The following PDE10A variants were observed in gnomAD, a reference collection of about 807,000 sequenced individuals.
PDE10A encodes phosphodiesterase 10A, also known as cAMP and cAMP-inhibited cGMP 3',5'-cyclic phosphodiesterase 10A.
In PDE10A, 39 loss-of-function variants were observed where a neutral mutation model predicts 97.7. That is an observed-to-expected ratio of 0.40 (90% CI 0.31 to 0.52). PDE10A has a LOEUF of 0.52. Among genes scored for constraint, PDE10A ranks in the 20% least tolerant of loss-of-function variants. The pLI, the probability that PDE10A is intolerant of heterozygous loss-of-function variation, is 0.56. For missense variants in PDE10A, 731 were observed against 1,047.8 expected (o/e 0.70, Z 4.17); for synonymous variants, 371 against 376.8 (o/e 0.98, Z 0.18).
intron 1 of PDE10A, among the ~76,000 whole-genome samples, chr6:165,619,537 A>AG (rs1787998464): frequency 6.3e-5 from 1 of 15,950 alleles, no homozygotes; most frequent in Admixed American, 5.0e-4. Context: ...GTGTAGTCTA[A>AG]TGTAGTGTAG....
At chr6:165,469,266 T>C (rs1481084188) in intron 3 of PDE10A, among the ~76,000 whole-genome samples, 1 of 152,202 alleles carries the variant, frequency 6.6e-6, no homozygotes, top group Admixed American at 6.5e-5. Context: ...TCACTGTCTT[T>C]AGCAAGCATT....
intron 1 of PDE10A, among the ~76,000 whole-genome samples, chr6:165,743,409 G>T (rs147750154): frequency 5.2e-4 from 79 of 152,158 alleles, no homozygotes; most frequent in Non-Finnish European, 8.7e-4. Flanking sequence ...TTATTTGGAC[G>T]TCACTGTTTT....
At chr6:165,633,426 T>G (rs1460053305) in intron 1 of PDE10A, among the ~76,000 whole-genome samples, 3 of 152,216 alleles carry the variant, frequency 2.0e-5, no homozygotes, top group Non-Finnish European at 4.4e-5. Flanking sequence ...TTAACTTTTC[T>G]TTATAGCTAC....
At chr6:165,929,483 C>A (rs1783055465) in intron 1 of PDE10A, among the ~76,000 whole-genome samples, 1 of 152,224 alleles carries the variant, frequency 6.6e-6, no homozygotes, top group African/African-American at 2.4e-5. Flanking sequence ...AGAAACATTA[C>A]AACCACTTAG....
At chr6:165,740,617 G>A (rs1248161600) in intron 1 of PDE10A, among the ~76,000 whole-genome samples, 1 of 152,142 alleles carries the variant, frequency 6.6e-6, no homozygotes, top group African/African-American at 2.4e-5. Flanking sequence ...ACAAGTGTGA[G>A]CCACCACTCC....
At chr6:165,440,530 A>G (rs971775268) in intron 5 of PDE10A, among the ~76,000 whole-genome samples, 5 of 152,210 alleles carry the variant, frequency 3.3e-5, no homozygotes, top group African/African-American at 1.2e-4. Context: ...TGTAGAAAGC[A>G]CAGTAACTTT....
intron 17 of PDE10A, among the ~76,000 whole-genome samples, chr6:165,385,273 C>T (rs139258282): frequency 2.8e-4 from 43 of 152,022 alleles, no homozygotes; most frequent in African/African-American, 1.0e-3. Context: ...AATGAGATTG[C>T]CACCACAGAG....
At chr6:165,425,797 G>A (rs190176759) in intron 10 of PDE10A, among the ~76,000 whole-genome samples, 1 of 151,582 alleles carries the variant, frequency 6.6e-6, no homozygotes, top group Admixed American at 6.6e-5. Context: ...GTGTGTGTGT[G>A]TGTATGTATG....
intron 2 of PDE10A, among the ~76,000 whole-genome samples, chr6:165,502,433 T>C (rs566759): frequency 0.13 from 20,359 of 152,184 alleles, 1,532 homozygotes; most frequent in East Asian, 0.25. Flanking sequence ...AATACTCAAA[T>C]ATACAAAACA....
chr6:165,474,966 A>G (rs1402699419), intron 3 of PDE10A, among the ~76,000 whole-genome samples: 1 of 151,862 alleles, frequency 6.6e-6, no homozygotes, highest in African/African-American at 2.4e-5. Context: ...GCTTCCATCA[A>G]ACAACAGGAA....
intron 1 of PDE10A, among the ~76,000 whole-genome samples, chr6:165,688,205 A>G (rs1297916730): frequency 6.6e-6 from 1 of 152,100 alleles, no homozygotes; most frequent in Non-Finnish European, 1.5e-5. Context: ...AAAAATCTAA[A>G]GAGAATTGGT....
chr6:165,793,818 T>A (rs758263378), intron 1 of PDE10A, among the ~76,000 whole-genome samples: 11 of 152,206 alleles, frequency 7.2e-5, no homozygotes, highest in Non-Finnish European at 1.3e-4. Context: ...TCAAAATTCA[T>A]CGGAGGACAA....
intron 1 of PDE10A, among the ~76,000 whole-genome samples, chr6:165,864,922 T>A (rs1780998870): frequency 6.6e-6 from 1 of 152,242 alleles, no homozygotes; most frequent in African/African-American, 2.4e-5. Context: ...TAAGTTAAAA[T>A]GTTAATGAAG....
Position 165,332,928 on chromosome 6 carries a change from T to C in PDE10A, c.*97A>G, listed in dbSNP as rs1781421679. 1.3e-6 allele frequency: 1 copy of C among 741,028 alleles called. No individual in the cohort carries two copies. The highest frequency in any genetic ancestry group is 1.8e-5 in the Admixed American group (1 of 54,474). 45.9% of individuals were successfully genotyped at this position (741,028 alleles called of 1,614,324 possible). ...AGAGGTTTGCACCCCAGTTACCAGGTGCAGGTTCCCCCCACCCCCCCCAAA... is the reference window on the plus strand; with the variant it reads ...AGAGGTTTGCACCCCAGTTACCAGGCGCAGGTTCCCCCCACCCCCCCCAAA... On this transcript the variant is annotated 3_prime_UTR_variant, in exon 22 of 22. Coordinates refer to ENST00000539869, the MANE Select transcript of PDE10A (RefSeq NM_001385079.1).
chr6:165,438,953 G>C (rs1790239278), intron 5 of PDE10A, among the ~76,000 whole-genome samples: 1 of 111,970 alleles, frequency 8.9e-6, no homozygotes, highest in South Asian at 3.5e-4. Context: ...GTGAGACCCT[G>C]CTTAAAAAAA....
At chr6:165,972,934 C>T (rs11758737) in intron 1 of PDE10A, among the ~76,000 whole-genome samples, 25,985 of 152,030 alleles carry the variant, frequency 0.17, 2,358 homozygotes, top group Non-Finnish European at 0.2. Flanking sequence ...AGCTCATTCT[C>T]CTCTCCCCTC....
Position 165,776,257 on chromosome 6 carries a change from T to C in PDE10A, c.-615+211272A>G, listed in dbSNP as rs58220471. ...GCATATGTATAACACACATTTAAAC[T>C]TTTCTAAAGTAAAAAAGGGTTACAA... On this transcript the variant is annotated intron_variant, in intron 1 of 19. Transcript: ENST00000366882. 2.5e-4 allele frequency among the ~76,000 whole-genome samples: 38 copies of C among 152,316 alleles called. No individual in the cohort carries two copies. In the East Asian group the frequency reaches 6.0e-3, roughly 24 times the overall value.
intron 2 of PDE10A, among the ~76,000 whole-genome samples, chr6:165,536,961 G>A (rs1487570505): frequency 6.6e-6 from 1 of 151,920 alleles, no homozygotes; most frequent in Non-Finnish European, 1.5e-5. Flanking sequence ...TCAAAGAAAG[G>A]AAATCAGCAT....
At chr6:165,970,548 A>T (rs1052824924) in intron 1 of PDE10A, among the ~76,000 whole-genome samples, 4 of 152,156 alleles carry the variant, frequency 2.6e-5, no homozygotes, top group East Asian at 1.9e-4. Flanking sequence ...TATCATATAT[A>T]AAAAAACTGT....
Sources: gnomAD v4.1 joint callset for allele counts (sites outside exome capture counted in the v4.1 genomes callset) on GRCh38, gnomAD v4.1.1 for gene constraint, MANE v1.5 for transcripts, NCBI Gene and HGNC (gene_info 2026-07-23, HGNC 2026-07-21) for gene names.